The following PDE4D variants were observed in gnomAD, a reference collection of about 807,000 sequenced individuals.
PDE4D encodes the protein 3',5'-cyclic-AMP phosphodiesterase 4D.
A neutral mutation model predicts 87.4 loss-of-function variants in PDE4D; 24 were observed. The observed-to-expected ratio is 0.27, with a 90% CI of 0.20 to 0.39. The LOEUF is 0.39. PDE4D is among the 10% of genes least tolerant of loss of function. The pLI, the probability that PDE4D is intolerant of heterozygous loss-of-function variation, is 1.00. For synonymous variants in PDE4D, 384 were observed against 383.2 expected, an observed-to-expected ratio of 1.00 and a Z score of -0.02; for missense variants, 714 against 1,041.0, an observed-to-expected ratio of 0.69 and a Z score of 4.32.
chr5:59,305,605 T>C (rs1581862913), intron 1 of PDE4D, among the ~76,000 whole-genome samples: 1 of 152,284 alleles, frequency 6.6e-6, no homozygotes. Flanking sequence ...TGTGTCATTA[T>C]TGTTGTTCAG....
intron 1 of PDE4D, among the ~76,000 whole-genome samples, chr5:59,555,503 AGTTTT>A (rs1818750646): frequency 6.6e-6 from 1 of 152,102 alleles, no homozygotes; most frequent in Non-Finnish European, 1.5e-5. Context: ...CTAAAATAAA[AGTTTT>A]GTTTTTTAAA....
intron 1 of PDE4D, among the ~76,000 whole-genome samples, chr5:60,440,252 T>C (rs773248844): frequency 7.2e-5 from 11 of 152,064 alleles, no homozygotes; most frequent in African/African-American, 9.7e-5. Flanking sequence ...TGATTTCTTA[T>C]CCAAAACCTA....
At chr5:58,976,282 T>C in intron 13 of PDE4D, 68 bp downstream of exon 13, 2 of 1,515,750 alleles carry the variant, frequency 1.3e-6, no homozygotes, top group Non-Finnish European at 1.8e-6. Flanking sequence ...TTATCAAAGC[T>C]GAACACGCAG....
Position 58,973,505 on chromosome 5 carries a change from T to A in PDE4D, c.*1159A>T, listed in dbSNP as rs1264822089. On this transcript the variant is annotated 3_prime_UTR_variant, in exon 15 of 15. Transcript: ENST00000340635. Reference sequence around the variant, plus strand: ...GGATTATTAGAAAGACATGCACTTGTGAAATGAACATCTAGTGACACAGCA... The same window carrying A: ...GGATTATTAGAAAGACATGCACTTGAGAAATGAACATCTAGTGACACAGCA... 6.6e-6 allele frequency: 1 copy of A among 150,900 alleles called. No homozygotes were observed. Among genetic ancestry groups the A allele is most frequent in the East Asian group, 1.9e-4 (1 of 5,192 alleles). The allele number at this position is 150,900 out of a possible 1,614,324, so 9.3% of individuals were successfully genotyped here.
intron 1 of PDE4D, among the ~76,000 whole-genome samples, chr5:60,193,455 G>A (rs982222809): frequency 1.3e-5 from 2 of 152,018 alleles, no homozygotes; most frequent in African/African-American, 2.4e-5. Context: ...TGGATCACGA[G>A]GTCAGGAGAT....
chr5:60,259,385 T>G (rs1749413581), intron 1 of PDE4D, among the ~76,000 whole-genome samples: 1 of 152,062 alleles, frequency 6.6e-6, no homozygotes, highest in Non-Finnish European at 1.5e-5. Context: ...CTGGACAAAC[T>G]TCTCCAATTA....
intron 3 of PDE4D, among the ~76,000 whole-genome samples, chr5:59,906,891 A>T (rs890143557): frequency 9.9e-5 from 15 of 152,204 alleles, no homozygotes; most frequent in Admixed American, 5.9e-4. Flanking sequence ...ATATACCCAA[A>T]GGAATATAAA....
At chr5:59,232,080 T>C (rs1755338062) in intron 1 of PDE4D, among the ~76,000 whole-genome samples, 1 of 152,154 alleles carries the variant, frequency 6.6e-6, no homozygotes, top group Non-Finnish European at 1.5e-5. Context: ...CGTGCTTCAC[T>C]TGAGCCAATG....
chr5:59,400,980 A>C (rs1400616891), intron 1 of PDE4D, among the ~76,000 whole-genome samples: 2 of 152,232 alleles, frequency 1.3e-5, no homozygotes, highest in Non-Finnish European at 2.9e-5. Flanking sequence ...GATGCTCTGA[A>C]ATCCAAAATG....
intron 2 of PDE4D, among the ~76,000 whole-genome samples, chr5:59,996,448 T>C (rs1054389349): frequency 6.6e-6 from 1 of 152,214 alleles, no homozygotes; most frequent in Admixed American, 6.5e-5. Context: ...AATAGGCTAT[T>C]ATCACAGTGG....
intron 1 of PDE4D, among the ~76,000 whole-genome samples, chr5:60,268,074 T>C (rs1750409862): frequency 6.6e-6 from 1 of 152,032 alleles, no homozygotes; most frequent in African/African-American, 2.4e-5. Flanking sequence ...AGGCACCAGG[T>C]AGAGAGAACC....
At chr5:59,387,941 C>G (rs977313463) in intron 1 of PDE4D, among the ~76,000 whole-genome samples, 4 of 152,070 alleles carry the variant, frequency 2.6e-5, no homozygotes, top group African/African-American at 9.7e-5. Flanking sequence ...AACATTGCCC[C>G]AGTCTTCAGC....
chr5:59,412,228 C>T (rs773974698), intron 1 of PDE4D, among the ~76,000 whole-genome samples: 6 of 152,048 alleles, frequency 3.9e-5, no homozygotes, highest in East Asian at 3.9e-4. Context: ...TTAAATGCAA[C>T]GTTTTGTACT....
intron 1 of PDE4D, among the ~76,000 whole-genome samples, chr5:60,344,194 C>T (rs1434846827): frequency 6.6e-6 from 1 of 152,124 alleles, no homozygotes; most frequent in Non-Finnish European, 1.5e-5. Context: ...CTATCTACCC[C>T]TGCTTCATGA....
At chr5:60,092,603 C>T (rs1775250273) in intron 2 of PDE4D, among the ~76,000 whole-genome samples, 1 of 151,168 alleles carries the variant, frequency 6.6e-6, no homozygotes, top group Non-Finnish European at 1.5e-5. Context: ...ATGGAGGGTA[C>T]TAGGAATAAA....
rs72755113 is a variant in PDE4D at position 60,359,609 on chromosome 5, T to G, written c.-90+128333A>C. Among the ~76,000 whole-genome samples the G allele has an allele frequency of 1.4e-3, 212 of 152,262 alleles. 3 individuals carry two copies. The highest frequency in any genetic ancestry group is 1.0e-3 in the Non-Finnish European group (69 of 68,010). ...TAGAAAGGGCAACAAAAAGGAAAATTGCTTGTTCCCTAAAGACTTCTTAAA... is the reference window on the plus strand; with the variant it reads ...TAGAAAGGGCAACAAAAAGGAAAATGGCTTGTTCCCTAAAGACTTCTTAAA... On this transcript the variant is annotated intron_variant, in intron 1 of 16. Transcript: ENST00000502484.
chr5:60,471,969 G>A (rs926783091), intron 1 of PDE4D, among the ~76,000 whole-genome samples: 1 of 152,020 alleles, frequency 6.6e-6, no homozygotes, highest in African/African-American at 2.4e-5. Flanking sequence ...GGGATAGTCT[G>A]GTAGGTGGAA....
chr5:60,049,119 T>A (rs567098479), intron 2 of PDE4D, among the ~76,000 whole-genome samples: 1 of 152,218 alleles, frequency 6.6e-6, no homozygotes, highest in Non-Finnish European at 1.5e-5. Context: ...ATTCATTTCA[T>A]CTTCCATCGC....
At chr5:59,789,637 TATG>T (rs1765564099) in intron 1 of PDE4D, among the ~76,000 whole-genome samples, 1 of 152,240 alleles carries the variant, frequency 6.6e-6, no homozygotes, top group Non-Finnish European at 1.5e-5. Context: ...GAGTGAAAAC[TATG>T]CCCTGAATGC....
Sources: allele counts gnomAD v4.1 joint callset (sites outside exome capture counted in the v4.1 genomes callset), GRCh38; gene constraint gnomAD v4.1.1; transcripts MANE v1.5; gene names NCBI Gene and HGNC (gene_info 2026-07-23, HGNC 2026-07-21).